The following SLC13A2 variants were observed in gnomAD, a reference collection of about 807,000 sequenced individuals.
The protein encoded by SLC13A2 is Na(+)-coupled citrate transporter.
A neutral mutation model predicts 58.5 loss-of-function variants in SLC13A2; 40 were observed. The ratio of observed to expected loss-of-function variants is 0.68; its 90% CI spans 0.53 to 0.89. SLC13A2 has a LOEUF of 0.89. Among genes scored for constraint, SLC13A2 ranks in the 40% least tolerant of loss-of-function variants. The pLI is 0.00. For missense variants in SLC13A2, 694 were observed against 772.6 expected, an observed-to-expected ratio of 0.90 and a Z score of 1.21; for synonymous variants, 341 against 331.6, an observed-to-expected ratio of 1.03 and a Z score of -0.31.
intron 1 of SLC13A2, among the ~76,000 whole-genome samples, chr17:28,477,455 A>C (rs1313251241): frequency 6.6e-6 from 1 of 151,680 alleles, no homozygotes; most frequent in African/African-American, 2.4e-5. Context: ...TGGCCTCCCA[A>C]AGTGCTGGGA....
rs1266876818 is a variant in SLC13A2 at position 28,493,778 on chromosome 17, C to T, written c.1086C>T (p.Ala362=). 1 of 1,614,040 alleles carries T rather than the reference C, an allele frequency of 6.2e-7. No individual in the cohort carries two copies. Among genetic ancestry groups the T allele is most frequent in the East Asian group, 2.2e-5 (1 of 44,898 alleles). ...GGGGCAATTTGGCTTTTCCCAATGC[C>T]AAGGGGGAGAGGTGAGAGTTGCAGG... The part of the protein sequence containing the change: ...LGWGNLAFPN[A]KGESMVSDGT... Residue 362 remains alanine, a synonymous_variant, in exon 7 of 12, where the codon GCC becomes GCT. Coordinates refer to ENST00000314669, the MANE Select transcript of SLC13A2 (RefSeq NM_003984.4).
At chr17:28,492,143 C>T (rs782251642) in intron 6 of SLC13A2, among the ~76,000 whole-genome samples, 21 of 152,078 alleles carry the variant, frequency 1.4e-4, no homozygotes, top group Admixed American at 1.2e-3. Flanking sequence ...AATGGTCCAC[C>T]GTCCTTTGAT....
rs575024303 is a variant in SLC13A2, at chr17:28,487,251, A to G, written c.103-1963A>G. Among the ~76,000 whole-genome samples, 7 of 152,290 alleles carry G rather than the reference A, an allele frequency of 4.6e-5. No individual in the cohort carries two copies. The East Asian group carries it at 1.2e-3, about 25-fold the overall frequency. On this transcript the variant is annotated intron_variant, in intron 1 of 11. Coordinates refer to ENST00000314669, the MANE Select transcript of SLC13A2 (RefSeq NM_003984.4). The stretch of plus-strand genomic sequence containing the variant: ...ATTCTCCCTACACTCCACTGGTCAC[A>G]GGGAGCCTGAGGCTGAGGACACCCT...
intron 1 of SLC13A2, among the ~76,000 whole-genome samples, chr17:28,478,094 G>A (rs2151444174): frequency 6.6e-6 from 1 of 152,270 alleles, no homozygotes; most frequent in African/African-American, 2.4e-5. Flanking sequence ...GTTACATGAG[G>A]TTACTACTAC....
chr17:28,489,588 G>GC (rs1312593936), intron 2 of SLC13A2, among the ~76,000 whole-genome samples: 1 of 152,148 alleles, frequency 6.6e-6, no homozygotes, highest in Non-Finnish European at 1.5e-5. Context: ...GAGGTGGAAG[G>GC]CCTAGTGACA....
At chr17:28,484,780 G>A (rs1042587241) in intron 1 of SLC13A2, among the ~76,000 whole-genome samples, 3 of 152,166 alleles carry the variant, frequency 2.0e-5, no homozygotes, top group African/African-American at 2.4e-5. Context: ...CACTCAAGGG[G>A]CAGAACCAGC....
rs782285390 is a variant in SLC13A2 at position 28,487,808 on chromosome 17, G to A, written c.103-1406G>A. Among the ~76,000 whole-genome samples the A allele has an allele frequency of 4.5e-4, 68 of 152,206 alleles. 1 individual carries two copies. Among genetic ancestry groups the A allele is most frequent in the Non-Finnish European group, 8.8e-5 (6 of 68,034 alleles). On this transcript the variant is annotated intron_variant, in intron 1 of 11. Transcript: ENST00000314669. Reference sequence around the variant, plus strand: ...GAGTTTGTCTCCAGGATGAAGAGAGGTAGTAGAGGTTTGGTGGAAAGAGAG... The same window carrying A: ...GAGTTTGTCTCCAGGATGAAGAGAGATAGTAGAGGTTTGGTGGAAAGAGAG...
chr17:28,490,877 C>A lies in SLC13A2; in HGVS notation c.545C>A (p.Pro182Gln), dbSNP rs148394759. The A allele has an allele frequency of 4.3e-6, 7 of 1,613,860 alleles. No individual in the cohort carries two copies. In the African/African-American group the frequency reaches 8.0e-5, roughly 18 times the overall value. The change falls in exon 4 of 12, where the codon CCA (proline) becomes CAA (glutamine). Residue 182 changes from proline (P) to glutamine (Q), a missense_variant. Coordinates refer to ENST00000314669, the MANE Select transcript of SLC13A2 (RefSeq NM_003984.4). ...AACCCCACCTTCGAGCTCCAGGAAC[C>A]AAGTCCCCAGAAGGAGGTGACCAAG... ...SNNPTFELQE[P>Q]SPQKEVTKLD... is the part of the protein sequence containing the mutation.
At position 28,497,268 on chromosome 17, in the gene SLC13A2, AGGCTGG is replaced by A; in HGVS notation, c.*3_*8del. The A allele has an allele frequency of 6.2e-7, 1 of 1,612,686 alleles. No individual in the cohort carries two copies. Among genetic ancestry groups the A allele is most frequent in the Non-Finnish European group, 8.5e-7 (1 of 1,179,092 alleles). On this transcript the variant is annotated stop_retained_variant and 3_prime_UTR_variant, in exon 12 of 12. Coordinates refer to ENST00000314669, the MANE Select transcript of SLC13A2 (RefSeq NM_003984.4). ...GCCAACACCACCACACCAAGCCCCT[AGGCTGG>A]GGCACAGCCTGGCCATGCCCAGGAA...
chr17:28,491,637 C>A lies in SLC13A2; in HGVS notation c.755+20C>A. 1 of 1,610,470 alleles carries A rather than the reference C, an allele frequency of 6.2e-7. No homozygotes were observed. ...CAACTCGTGAGTGACAAGGGGTGGG[C>A]CACCTTGGGGGATCTGCACATTCAC... is the stretch of plus-strand genomic sequence containing the variant. On this transcript the variant is annotated intron_variant, in intron 5 of 11. Coordinates refer to ENST00000314669, the MANE Select transcript of SLC13A2 (RefSeq NM_003984.4).
In SLC13A2 at chr17:28,497,174, C is replaced by T. The variant is rs989535572; in HGVS notation, c.1684C>T (p.Leu562Phe). 8 of 1,614,178 alleles carry T rather than the reference C, an allele frequency of 5.0e-6. No homozygotes were observed. In the South Asian group the frequency reaches 8.8e-5, roughly 18 times the overall value. ...ALAINSWGIP[L>F]FSLHSFPSWA... is the part of the protein sequence containing the mutation. ...GGCCATCAACAGCTGGGGCATCCCCCTCTTCAGCCTGCACTCTTTCCCCTC... is the reference window on the plus strand; with the variant it reads ...GGCCATCAACAGCTGGGGCATCCCCTTCTTCAGCCTGCACTCTTTCCCCTC... The change falls in exon 12 of 12, where the codon CTC becomes TTC. Residue 562 changes from leucine (L) to phenylalanine (F), a missense_variant. Coordinates refer to ENST00000314669, the MANE Select transcript of SLC13A2 (RefSeq NM_003984.4).
rs2069095974 is a variant in SLC13A2, at chr17:28,494,334, A to G, written c.1187-57A>G. 1.2e-6 allele frequency: 2 copies of G among 1,613,876 alleles called. No individual in the cohort carries two copies. Among genetic ancestry groups the G allele is most frequent in the Non-Finnish European group, 1.7e-6 (2 of 1,180,004 alleles). On this transcript the variant is annotated intron_variant, in intron 8 of 11. Coordinates refer to ENST00000314669, the MANE Select transcript of SLC13A2 (RefSeq NM_003984.4). The surrounding 1 kb of genome is among the most constrained non-coding windows in gnomAD (Gnocchi z 4.0). ...ACCCACACAGGGAGCCCGCAAATGG[A>G]GAGGGGAAAGGCCTGTTTGTTCTTT...
Position 28,494,441 on chromosome 17 carries a change from G to T in SLC13A2, c.1237G>T (p.Val413Leu), listed in dbSNP as rs782573365. Reference protein sequence around the residue: ...APLGLLDWKTVNQKMPWNIVL... With the variant: ...APLGLLDWKTLNQKMPWNIVL... ...TCTTGGCCTCCTCGACTGGAAGACGGTGAACCAGAAGATGCCGTGGAATAT... is the reference window on the plus strand; with the variant it reads ...TCTTGGCCTCCTCGACTGGAAGACGTTGAACCAGAAGATGCCGTGGAATAT... Residue 413 changes from valine (V) to leucine (L), a missense_variant, in exon 9 of 12, where the codon GTG becomes TTG. Physicochemically the swap from Val to Leu is conservative, Grantham distance 32. Transcript: ENST00000314669. This position sits in a 1 kb window ranked among gnomAD's most constrained non-coding sequence, Gnocchi z 4.0. 27 of 1,614,210 alleles carry T rather than the reference G, an allele frequency of 1.7e-5. No homozygotes were observed. The highest frequency in any genetic ancestry group is 2.2e-5 in the Non-Finnish European group (26 of 1,180,040).
intron 1 of SLC13A2, among the ~76,000 whole-genome samples, chr17:28,485,059 C>T (rs1433226465): frequency 2.0e-5 from 3 of 152,154 alleles, no homozygotes; most frequent in African/African-American, 4.8e-5. Flanking sequence ...CTCAGGAGCC[C>T]ATAAACAGAT....
chr17:28,497,320 C>T lies in SLC13A2; in HGVS notation c.*51C>T. ...AGGAAGACCCACCCCATTCCCACTCCTCTGAGCCCGGAGGGGACACCCCAA... is the reference window on the plus strand; with the variant it reads ...AGGAAGACCCACCCCATTCCCACTCTTCTGAGCCCGGAGGGGACACCCCAA... On this transcript the variant is annotated 3_prime_UTR_variant, in exon 12 of 12. Transcript: ENST00000314669. 1 of 1,566,658 alleles carries T rather than the reference C, an allele frequency of 6.4e-7. No homozygotes were observed. The highest frequency in any genetic ancestry group is 8.7e-7 in the Non-Finnish European group (1 of 1,153,700).
At chr17:28,490,396 G>T (rs1555602972) in intron 2 of SLC13A2, 58 bp from the exon 3 acceptor site, 5 of 1,614,006 alleles carry the variant, frequency 3.1e-6, no homozygotes, top group Non-Finnish European at 4.2e-6. Context: ...ATAACCTCGG[G>T]GGCACCGTGG....
intron 6 of SLC13A2, among the ~76,000 whole-genome samples, 183 bp from the exon 7 acceptor site, chr17:28,493,388 A>G (rs2069066244): frequency 2.6e-5 from 4 of 152,186 alleles, no homozygotes. Flanking sequence ...GAGAATAAGC[A>G]AGAACTATGG....
chr17:28,485,785 G>A (rs767247988), intron 1 of SLC13A2, among the ~76,000 whole-genome samples: 20 of 151,502 alleles, frequency 1.3e-4, no homozygotes, highest in Admixed American at 7.9e-4. Context: ...CCAGCAATTC[G>A]AGACCAGCCT....
intron 9 of SLC13A2, among the ~76,000 whole-genome samples, chr17:28,495,275 T>C (rs2151464249): frequency 6.6e-6 from 1 of 152,238 alleles, no homozygotes; most frequent in South Asian, 2.1e-4. Context: ...AGGAGCAAGG[T>C]TCCCTCTGCC....
Sources: allele counts gnomAD v4.1 joint callset (sites outside exome capture counted in the v4.1 genomes callset), GRCh38; gene constraint gnomAD v4.1.1; non-coding constraint Gnocchi (gnomAD v3.1); transcripts MANE v1.5; gene names NCBI Gene and HGNC (gene_info 2026-07-23, HGNC 2026-07-21).